The following ATAD5 variants were observed in gnomAD, a reference collection of about 807,000 sequenced individuals.
ATAD5 encodes the protein ATPase family AAA domain containing 5.
Under a neutral mutation model 176.9 loss-of-function variants are expected in ATAD5, and 58 were observed. The ratio of observed to expected loss-of-function variants is 0.33; its 90% CI spans 0.27 to 0.41. The LOEUF (loss-of-function observed/expected upper bound fraction) is 0.41, where lower values mean the gene tolerates loss of function less well. Ranked by LOEUF, ATAD5 falls within the 10% of genes least tolerant of loss-of-function variation. The pLI is 1.00. For missense variants in ATAD5, 1,789 were observed against 2,094.1 expected (o/e 0.85, Z 2.84); for synonymous variants, 640 against 712.6 (o/e 0.90, Z 1.62).
chr17:30,842,444 ATC>A (rs1906182987), intron 4 of ATAD5, among the ~76,000 whole-genome samples: 1 of 152,136 alleles, frequency 6.6e-6, no homozygotes, highest in Admixed American at 6.5e-5. Flanking sequence ...TAGTTAAACT[ATC>A]TGCTCATGGG....
At chr17:30,858,013 G>A (rs1700068010) in intron 8 of ATAD5, 148 bp from the exon 9 acceptor site, 13 of 572,600 alleles carry the variant, frequency 2.3e-5, no homozygotes, top group Non-Finnish European at 3.4e-5. Flanking sequence ...CAAAGTGCTG[G>A]GAATATAGGC....
rs199637773 is a variant in ATAD5, at chr17:30,869,592, G to A, written c.3553G>A (p.Val1185Ile). 2 of 1,603,568 alleles carry A rather than the reference G, an allele frequency of 1.2e-6. No individual in the cohort carries two copies. Among genetic ancestry groups the A allele is most frequent in the South Asian group, 1.1e-5 (1 of 88,222 alleles). ...GTCCCATCAAGTAGACAAACAAGGT[G>A]TAAACTCACAAAAACCCTGTTTTTT... ...TQSHQVDKQGVNSQKPCFFNS... is the reference protein window; with the variant it reads ...TQSHQVDKQGINSQKPCFFNS... The change falls in exon 14 of 23, where the codon GTA becomes ATA. Residue 1185 changes from valine to isoleucine, a missense_variant. Val to Ile is a conservative substitution (Grantham distance 29). Around this residue, in one of 6 missense-constraint regions of ATAD5, gnomAD observed 194 missense variants for 270.1 expected, o/e 0.72. Coordinates refer to ENST00000321990, the MANE Select transcript of ATAD5 (RefSeq NM_024857.5).
At chr17:30,842,098 G>A (rs928100631) in intron 4 of ATAD5, among the ~76,000 whole-genome samples, 3 of 151,928 alleles carry the variant, frequency 2.0e-5, no homozygotes, top group Admixed American at 6.6e-5. Flanking sequence ...GTGAAACCCC[G>A]TCTTTACTAA....
intron 6 of ATAD5, among the ~76,000 whole-genome samples, chr17:30,854,793 C>T (rs1042025022): frequency 2.0e-5 from 3 of 152,096 alleles, no homozygotes; most frequent in African/African-American, 7.2e-5. Flanking sequence ...GTTGCCCAGA[C>T]TGGAAGGCTA....
intron 3 of ATAD5, among the ~76,000 whole-genome samples, chr17:30,837,768 G>A (rs554368434): frequency 6.6e-6 from 1 of 152,320 alleles, no homozygotes; most frequent in South Asian, 2.1e-4. Flanking sequence ...AACAGCTAGA[G>A]AGAGGGGTCT....
chr17:30,853,051 A>G (rs955181272), intron 6 of ATAD5, among the ~76,000 whole-genome samples: 27 of 151,856 alleles, frequency 1.8e-4, no homozygotes, highest in Non-Finnish European at 3.2e-4. Flanking sequence ...CACCACAGCC[A>G]GCTAATTTTT....
intron 18 of ATAD5, among the ~76,000 whole-genome samples, chr17:30,885,738 A>T (rs1415762053): frequency 2.8e-5 from 4 of 142,898 alleles, no homozygotes; most frequent in Non-Finnish European, 6.0e-5. Context: ...GGTTTGAGTG[A>T]TTCTCCTGTC....
rs1351888569 is a variant in ATAD5, at chr17:30,893,407, A to G, written c.4554A>G (p.Pro1518=). The G allele has an allele frequency of 1.9e-6, 3 of 1,613,286 alleles. No individual in the cohort carries two copies. The highest frequency in any genetic ancestry group is 8.5e-7 in the Non-Finnish European group (1 of 1,179,496). The change falls in exon 21 of 23, where the codon CCA becomes CCG. Residue 1518 remains proline (P), a synonymous_variant. Coordinates refer to ENST00000321990, the MANE Select transcript of ATAD5 (RefSeq NM_024857.5). Reference sequence around the variant, plus strand: ...ATCTTGAGTTTATTCTACCATTACCAGTTGATACCATTCCAGAAACTAAAA... The same window carrying G: ...ATCTTGAGTTTATTCTACCATTACCGGTTGATACCATTCCAGAAACTAAAA... ...YSNLEFILPL[P]VDTIPETKNF... is the part of the protein sequence containing the mutation.
chr17:30,848,170 G>A (rs924704761), intron 6 of ATAD5, among the ~76,000 whole-genome samples: 1 of 151,920 alleles, frequency 6.6e-6, no homozygotes, highest in African/African-American at 2.4e-5. Context: ...CCAAGTTGTT[G>A]TTCGGTTTTA....
chr17:30,850,087 G>T (rs747420477), intron 6 of ATAD5, among the ~76,000 whole-genome samples: 10 of 152,184 alleles, frequency 6.6e-5, no homozygotes, highest in Non-Finnish European at 1.5e-4. Flanking sequence ...GCTGCAGTGA[G>T]CTGTAATCAT....
Position 30,834,261 on chromosome 17 carries a change from T to C in ATAD5, c.180T>C (p.Ser60=). ...GGGTTTTTGCTCCACCAAAACCTAG[T>C]AATATTCTGGATTATTTTAGAAAGA... is the stretch of plus-strand genomic sequence containing the variant. The part of the protein sequence containing the change: ...RDRVFAPPKP[S]NILDYFRKTS... Residue 60 remains serine, a synonymous_variant, in exon 2 of 23, where the codon AGT becomes AGC. Transcript: ENST00000321990. 1 of 1,613,648 alleles carries C rather than the reference T, an allele frequency of 6.2e-7. No individual in the cohort carries two copies. Among genetic ancestry groups the C allele is most frequent in the Non-Finnish European group, 8.5e-7 (1 of 1,179,816 alleles).
intron 12 of ATAD5, among the ~76,000 whole-genome samples, chr17:30,868,823 A>G (rs935561599): frequency 1.4e-5 from 2 of 143,630 alleles, no homozygotes; most frequent in Admixed American, 1.4e-4. Context: ...AAATTTCTTA[A>G]TTGGTATTTT....
chr17:30,860,287 G>C (rs906640486), intron 9 of ATAD5, 146 bp from the exon 10 acceptor site: 1 of 874,458 alleles, frequency 1.1e-6, no homozygotes, highest in South Asian at 2.0e-5. Context: ...ACCTCCCAAA[G>C]TTCTGGGATT....
At chr17:30,864,973 TGCA>T (rs1907886744) in intron 10 of ATAD5, 1 of 150,970 alleles carries the variant, frequency 6.6e-6, no homozygotes, top group South Asian at 2.1e-4. Flanking sequence ...CAGGCTGGAG[TGCA>T]GTGGCACAAT....
intron 7 of ATAD5, 97 bp downstream of exon 7, chr17:30,855,424 A>G: frequency 2.4e-6 from 3 of 1,242,554 alleles, no homozygotes; most frequent in Non-Finnish European, 3.3e-6. Flanking sequence ...AAGTTTAATT[A>G]TCATTCTTAT....
chr17:30,839,018 G>T (rs1271080063), intron 3 of ATAD5, among the ~76,000 whole-genome samples: 2 of 152,054 alleles, frequency 1.3e-5, no homozygotes, highest in African/African-American at 4.8e-5. Flanking sequence ...TAGAGACAGG[G>T]TCTTGCTATT....
intron 9 of ATAD5, among the ~76,000 whole-genome samples, chr17:30,858,552 AT>A (rs1907425184): frequency 6.6e-6 from 1 of 151,604 alleles, no homozygotes; most frequent in Admixed American, 6.6e-5. Flanking sequence ...CGCCCTGCTA[AT>A]TTTTGTATTT....
chr17:30,869,179 C>A, intron 12 of ATAD5, 69 bp from the exon 13 acceptor site: 1 of 1,516,226 alleles, frequency 6.6e-7, no homozygotes, highest in Non-Finnish European at 8.9e-7. Context: ...GATTTGATCA[C>A]TGGGTTTCAT....
At chr17:30,862,274 C>T (rs1907682474) in intron 10 of ATAD5, among the ~76,000 whole-genome samples, 1 of 150,148 alleles carries the variant, frequency 6.7e-6, no homozygotes. Context: ...GCGGAGGCTG[C>T]AGTGAGCCAA....
Sources: allele counts gnomAD v4.1 joint callset (sites outside exome capture counted in the v4.1 genomes callset), GRCh38; gene constraint gnomAD v4.1.1; regional missense constraint gnomAD v4.1.1; transcripts MANE v1.5; gene names NCBI Gene and HGNC (gene_info 2026-07-23, HGNC 2026-07-21).